Variants in MACROD2 observed in about 807,000 individuals in gnomAD.
MACROD2 encodes ADP-ribose glycohydrolase MACROD2.
Under a neutral mutation model 70.4 loss-of-function variants are expected in MACROD2, and 36 were observed. The ratio of observed to expected loss-of-function variants is 0.51; its 90% CI spans 0.39 to 0.68. The LOEUF is 0.68. Ranked by LOEUF, MACROD2 falls within the 30% of genes least tolerant of loss-of-function variation. MACROD2 has a pLI of 0.00. For synonymous variants in MACROD2, 172 were observed against 178.8 expected, an observed-to-expected ratio of 0.96 and a Z score of 0.30; for missense variants, 496 against 538.4, an observed-to-expected ratio of 0.92 and a Z score of 0.78.
intron 5 of MACROD2, among the ~76,000 whole-genome samples, chr20:14,740,394 C>A (rs2071719126): frequency 6.6e-6 from 1 of 152,090 alleles, no homozygotes; most frequent in African/African-American, 2.4e-5. Context: ...ACAAAAAAAC[C>A]CTGCTTGCAA....
intron 8 of MACROD2, among the ~76,000 whole-genome samples, chr20:15,777,321 G>T (rs1245452374): frequency 2.0e-5 from 3 of 151,942 alleles, no homozygotes; most frequent in Admixed American, 6.5e-5. Flanking sequence ...ATATAATGAG[G>T]TTCCATATAA....
At chr20:14,024,031 A>T (rs2053123949) in intron 2 of MACROD2, among the ~76,000 whole-genome samples, 1 of 152,174 alleles carries the variant, frequency 6.6e-6, no homozygotes, top group Non-Finnish European at 1.5e-5. Context: ...CCTATCCATG[A>T]GCGTGGAATG....
chr20:14,638,757 T>G (rs1984923420), intron 4 of MACROD2, among the ~76,000 whole-genome samples: 1 of 152,100 alleles, frequency 6.6e-6, no homozygotes, highest in Non-Finnish European at 1.5e-5. Context: ...GAGACCATCC[T>G]GGCTAACATG....
intron 2 of MACROD2, among the ~76,000 whole-genome samples, chr20:14,050,334 A>C (rs1200147820): frequency 6.6e-6 from 1 of 152,140 alleles, no homozygotes; most frequent in Non-Finnish European, 1.5e-5. Context: ...GTAATACATG[A>C]AACACTCTAT....
At chr20:14,553,001 A>G (rs965358506) in intron 4 of MACROD2, among the ~76,000 whole-genome samples, 4 of 152,064 alleles carry the variant, frequency 2.6e-5, no homozygotes, top group African/African-American at 9.7e-5. Flanking sequence ...TCTTTCCCCA[A>G]TAATAAATTA....
rs1272928618 is a variant in MACROD2 at position 15,555,851 on chromosome 20, AAAAG to A, written c.645+56005_645+56008del. Among the ~76,000 whole-genome samples the A allele has an allele frequency of 7.3e-4, 106 of 144,474 alleles. 4 individuals are homozygous for A. The highest frequency in any genetic ancestry group is 2.8e-3 in the African/African-American group (102 of 35,926). The allele number at this position is 144,474 out of a possible 152,430, so 94.8% of individuals were successfully genotyped here. On this transcript the variant is annotated intron_variant, in intron 8 of 17. Transcript: ENST00000684519. Reference sequence around the variant, plus strand: ...CTCAAAAAAAAAAAAAAAAAAAAAAAAAAGGAAAAGAAAAGAAAAGGAAAGAACC... The same window carrying A: ...CTCAAAAAAAAAAAAAAAAAAAAAAAGAAAAGAAAAGAAAAGGAAAGAACC...
At chr20:14,656,973 C>A (rs1986008435) in intron 4 of MACROD2, among the ~76,000 whole-genome samples, 4 of 152,128 alleles carry the variant, frequency 2.6e-5, no homozygotes, top group African/African-American at 9.7e-5. Context: ...GCTGTACATA[C>A]CTGTCATAAC....
chr20:14,917,462 G>A (rs2074106376), intron 5 of MACROD2, among the ~76,000 whole-genome samples: 1 of 151,912 alleles, frequency 6.6e-6, no homozygotes, highest in East Asian at 1.9e-4. Context: ...ATGCAGGGAG[G>A]ACTCCATGAT....
chr20:15,249,692 A>G (rs541227501), intron 6 of MACROD2, among the ~76,000 whole-genome samples: 1 of 152,356 alleles, frequency 6.6e-6, no homozygotes, highest in Admixed American at 6.5e-5. Context: ...AAATTAGATC[A>G]TGCAACGTTC....
chr20:15,355,462 C>T (rs1600284632), intron 6 of MACROD2, among the ~76,000 whole-genome samples: 1 of 152,174 alleles, frequency 6.6e-6, no homozygotes, highest in African/African-American at 2.4e-5. Context: ...CTGGGTGCAT[C>T]TTCCCAGCAC....
At chr20:15,388,212 A>G (rs1181887833) in intron 6 of MACROD2, among the ~76,000 whole-genome samples, 1 of 152,066 alleles carries the variant, frequency 6.6e-6, no homozygotes, top group Non-Finnish European at 1.5e-5. Flanking sequence ...GGTTCCTGCC[A>G]TGGTAAACAG....
chr20:14,215,234 A>ATG (rs1326190042), intron 3 of MACROD2, among the ~76,000 whole-genome samples: 1 of 150,754 alleles, frequency 6.6e-6, no homozygotes, highest in African/African-American at 2.4e-5. Context: ...TCCATCATAT[A>ATG]TATATTCCAT....
chr20:14,036,156 G>A (rs76003114), intron 2 of MACROD2, among the ~76,000 whole-genome samples: 3 of 151,134 alleles, frequency 2.0e-5, no homozygotes, highest in African/African-American at 7.3e-5. Flanking sequence ...AAAAAAAAAA[G>A]CTAGCAGACA....
intron 3 of MACROD2, chr20:14,325,461 CT>C: frequency 7.6e-7 from 1 of 1,315,650 alleles, no homozygotes; most frequent in Non-Finnish European, 1.0e-6. Context: ...TTTTCAGTCT[CT>C]TTTTCCAGTG....
At chr20:15,474,685 A>C (rs1346257098) in intron 7 of MACROD2, among the ~76,000 whole-genome samples, 1 of 152,204 alleles carries the variant, frequency 6.6e-6, no homozygotes, top group East Asian at 1.9e-4. Flanking sequence ...AACAGAGGCA[A>C]CCCCATAGGT....
At chr20:14,627,994 T>A (rs1283261617) in intron 4 of MACROD2, among the ~76,000 whole-genome samples, 1 of 152,206 alleles carries the variant, frequency 6.6e-6, no homozygotes, top group Non-Finnish European at 1.5e-5. Context: ...ATTTAGCTTG[T>A]TGAGCAGAGC....
intron 2 of MACROD2, among the ~76,000 whole-genome samples, chr20:14,005,070 G>C (rs1190147289): frequency 6.6e-6 from 1 of 152,114 alleles, no homozygotes; most frequent in African/African-American, 2.4e-5. Flanking sequence ...AAATAAAAAA[G>C]AGGGGAGCAG....
intron 2 of MACROD2, among the ~76,000 whole-genome samples, chr20:14,006,801 C>A (rs892248468): frequency 6.6e-6 from 1 of 151,992 alleles, no homozygotes. Context: ...ATTTTGCTTA[C>A]TGCATCTCTG....
intron 3 of MACROD2, chr20:14,328,828 G>A (rs1459767413): frequency 6.6e-6 from 1 of 152,028 alleles, no homozygotes; most frequent in African/African-American, 2.4e-5. Flanking sequence ...TCTGCTTCCT[G>A]TTACTATGTA....
Sources: gnomAD v4.1 joint callset for allele counts (sites outside exome capture counted in the v4.1 genomes callset) on GRCh38, gnomAD v4.1.1 for gene constraint, MANE v1.5 for transcripts, NCBI Gene and HGNC (gene_info 2026-07-23, HGNC 2026-07-21) for gene names.